The following STXBP5L variants were observed in gnomAD, a reference collection of about 807,000 sequenced individuals.
STXBP5L encodes syntaxin binding protein 5L.
In STXBP5L, 65 loss-of-function variants were observed where a neutral mutation model predicts 144.5. The observed-to-expected ratio is 0.45, with a 90% CI of 0.37 to 0.55. STXBP5L has a LOEUF of 0.55. STXBP5L is among the 20% of genes least tolerant of loss of function. The probability of loss-of-function intolerance (pLI) is 0.00; values close to 1 mark genes in which losing one functional copy is unlikely to be tolerated. For synonymous variants in STXBP5L, 505 were observed against 469.6 expected (o/e 1.08, Z -0.97); for missense variants, 1,298 against 1,405.5 (o/e 0.92, Z 1.22).
At chr3:121,131,248 A>G (rs930484658) in intron 7 of STXBP5L, among the ~76,000 whole-genome samples, 2 of 152,120 alleles carry the variant, frequency 1.3e-5, no homozygotes, top group African/African-American at 2.4e-5. Context: ...GAGTTAAATC[A>G]TTTTACACAG....
rs1363625961 is a variant in STXBP5L, at chr3:121,373,340, T to C, written c.2177-5376T>C. Among the ~76,000 whole-genome samples, 3 of 152,252 alleles carry C rather than the reference T, an allele frequency of 2.0e-5. No individual in the cohort carries two copies. In the East Asian group the frequency reaches 5.8e-4, roughly 29 times the overall value. ...GCTATAAGAAAGCCCTTTGGCCCTC[T>C]TGGGCCCTGAGCCTAGTATAAGGAG... is the stretch of plus-strand genomic sequence containing the variant. On this transcript the variant is annotated intron_variant, in intron 20 of 26. Transcript: ENST00000471454.
intron 19 of STXBP5L, among the ~76,000 whole-genome samples, chr3:121,294,131 G>A (rs1211059271): frequency 2.0e-5 from 3 of 152,160 alleles, no homozygotes; most frequent in Admixed American, 1.3e-4. Flanking sequence ...AAATATTGTG[G>A]AGCCAAAAAG....
intron 5 of STXBP5L, among the ~76,000 whole-genome samples, chr3:121,104,227 CA>C (rs1448164296): frequency 1.3e-5 from 2 of 151,844 alleles, no homozygotes; most frequent in Non-Finnish European, 2.9e-5. Context: ...AATATCCTGA[CA>C]AAAGAATCAA....
chr3:121,177,753 T>A (rs2046990356), intron 9 of STXBP5L, among the ~76,000 whole-genome samples: 1 of 152,180 alleles, frequency 6.6e-6, no homozygotes, highest in Non-Finnish European at 1.5e-5. Context: ...GACTTACTAT[T>A]TGATCTACCA....
At chr3:121,292,516 C>A (rs540709513) in intron 19 of STXBP5L, among the ~76,000 whole-genome samples, 2 of 152,206 alleles carry the variant, frequency 1.3e-5, no homozygotes, top group Admixed American at 6.5e-5. Flanking sequence ...ATCTACCATT[C>A]GATCCAGCAA....
intron 15 of STXBP5L, among the ~76,000 whole-genome samples, chr3:121,253,914 A>G (rs150862355): frequency 1.4e-3 from 215 of 150,934 alleles, no homozygotes; most frequent in African/African-American, 5.0e-3. Flanking sequence ...CGGCCTCCCA[A>G]AGTGCTGGGA....
chr3:121,305,208 G>A (rs1235751847), intron 19 of STXBP5L, among the ~76,000 whole-genome samples: 2 of 152,060 alleles, frequency 1.3e-5, no homozygotes, highest in Non-Finnish European at 2.9e-5. Flanking sequence ...AGCCACAGGT[G>A]GCTGCACTTG....
chr3:121,273,588 G>A (rs1443405658), intron 18 of STXBP5L, among the ~76,000 whole-genome samples: 2 of 151,972 alleles, frequency 1.3e-5, no homozygotes, highest in African/African-American at 2.4e-5. Flanking sequence ...TTCTTTAAAT[G>A]TACTCTCTGT....
intron 5 of STXBP5L, among the ~76,000 whole-genome samples, chr3:121,095,687 C>G (rs938511813): frequency 4.6e-5 from 7 of 152,134 alleles, no homozygotes; most frequent in Admixed American, 1.3e-4. Context: ...AGCCATTCGT[C>G]TATTCTTTTT....
chr3:120,916,971 T>C (rs1204005489), intron 2 of STXBP5L, among the ~76,000 whole-genome samples: 3 of 152,160 alleles, frequency 2.0e-5, no homozygotes, highest in Non-Finnish European at 1.5e-5. Flanking sequence ...GAAGTTAGAT[T>C]GAGTCTGGGG....
chr3:121,083,253 A>G (rs986101560), intron 5 of STXBP5L, among the ~76,000 whole-genome samples: 4 of 152,048 alleles, frequency 2.6e-5, no homozygotes, highest in African/African-American at 9.7e-5. Flanking sequence ...TTCATCAGGG[A>G]TATTAGTCTG....
intron 9 of STXBP5L, among the ~76,000 whole-genome samples, chr3:121,197,497 A>T (rs2047967298): frequency 6.6e-6 from 1 of 151,750 alleles, no homozygotes; most frequent in African/African-American, 2.4e-5. Context: ...CTATTTATTT[A>T]TTTATTTACT....
At chr3:121,353,490 C>G (rs928969339) in intron 20 of STXBP5L, among the ~76,000 whole-genome samples, 1 of 152,066 alleles carries the variant, frequency 6.6e-6, no homozygotes, top group African/African-American at 2.4e-5. Context: ...ATAGTATTCT[C>G]CAAAGGTAGT....
intron 4 of STXBP5L, among the ~76,000 whole-genome samples, chr3:121,043,269 T>C (rs533071298): frequency 2.6e-5 from 4 of 152,140 alleles, no homozygotes; most frequent in African/African-American, 9.7e-5. Flanking sequence ...TATAGTGCTT[T>C]TGGTAGGTTC....
intron 7 of STXBP5L, among the ~76,000 whole-genome samples, chr3:121,148,304 A>G (rs768113903): frequency 3.9e-5 from 6 of 152,142 alleles, no homozygotes; most frequent in Non-Finnish European, 5.9e-5. Context: ...CAACCAATTT[A>G]TGCTCCCCCT....
chr3:120,961,826 C>G (rs565785778), intron 3 of STXBP5L, among the ~76,000 whole-genome samples: 38 of 152,308 alleles, frequency 2.5e-4, no homozygotes, highest in Non-Finnish European at 4.7e-4. Context: ...ACTTGTAGTT[C>G]TAGATCCTTG....
At chr3:120,910,448 T>C (rs959417445) in intron 2 of STXBP5L, among the ~76,000 whole-genome samples, 1 of 152,186 alleles carries the variant, frequency 6.6e-6, no homozygotes, top group South Asian at 2.1e-4. Context: ...AGCATTAGGT[T>C]AATGCATAGA....
intron 10 of STXBP5L, among the ~76,000 whole-genome samples, chr3:121,217,080 G>A (rs991716501): frequency 6.6e-6 from 1 of 152,202 alleles, no homozygotes; most frequent in Admixed American, 6.5e-5. Flanking sequence ...CGTGCTGGCA[G>A]CGAGAATTTC....
intron 5 of STXBP5L, among the ~76,000 whole-genome samples, chr3:121,092,266 T>A (rs759579399): frequency 6.6e-6 from 1 of 151,902 alleles, no homozygotes; most frequent in Non-Finnish European, 1.5e-5. Context: ...TCTTTCTTGG[T>A]TCCATATGAA....
Sources: gnomAD v4.1 joint callset for allele counts (sites outside exome capture counted in the v4.1 genomes callset) on GRCh38, gnomAD v4.1.1 for gene constraint, MANE v1.5 for transcripts, NCBI Gene and HGNC (gene_info 2026-07-23, HGNC 2026-07-21) for gene names.